The following LEKR1 variants were observed in gnomAD, a reference collection of about 807,000 sequenced individuals.
The protein encoded by LEKR1 is protein LEKR1.
In LEKR1, 59 loss-of-function variants were observed where a neutral mutation model predicts 72.4. The observed-to-expected ratio is 0.82, with a 90% CI of 0.66 to 1.01. The LOEUF (loss-of-function observed/expected upper bound fraction) is 1.01. LEKR1 is among the 50% of genes least tolerant of loss of function. The probability of loss-of-function intolerance (pLI) is 0.00; values close to 1 mark genes in which losing one functional copy is unlikely to be tolerated. For missense variants in LEKR1, 728 were observed against 759.2 expected (o/e 0.96, Z 0.48); for synonymous variants, 257 against 263.2 (o/e 0.98, Z 0.23).
At chr3:157,022,418 C>G (rs1205819763) in intron 10 of LEKR1, among the ~76,000 whole-genome samples, 1 of 152,050 alleles carries the variant, frequency 6.6e-6, no homozygotes, top group Non-Finnish European at 1.5e-5. Flanking sequence ...GTGGCCAGAA[C>G]TAGGTGATCA....
Position 156,852,982 on chromosome 3 carries a change from G to T in LEKR1, c.263G>T (p.Arg88Ile). The T allele has an allele frequency of 6.6e-7, 1 of 1,520,958 alleles. No individual in the cohort carries two copies. The highest frequency in any genetic ancestry group is 1.2e-5 in the South Asian group (1 of 82,724). 94.2% of individuals were successfully genotyped at this position (1,520,958 alleles called of 1,614,324 possible). The change falls in exon 3 of 13, where the codon AGA becomes ATA. Residue 88 changes from arginine to isoleucine, a missense_variant and splice_region_variant. Transcript: ENST00000356539. ...ATTGACAACAAATCCAAAACAGAAA[G>T]GTTGAGTATGTTTTTCTTTTCTATC... is the stretch of plus-strand genomic sequence containing the variant. ...YKIDNKSKTE[R>I]IYDVGMQLKS...
At chr3:156,989,334 T>A (rs1384467857) in intron 7 of LEKR1, among the ~76,000 whole-genome samples, 1 of 152,236 alleles carries the variant, frequency 6.6e-6, no homozygotes, top group Non-Finnish European at 1.5e-5. Context: ...TTCACGTAGC[T>A]AAGTCTATTC....
At chr3:157,004,335 A>G (rs746584820) in intron 9 of LEKR1, among the ~76,000 whole-genome samples, 1 of 152,168 alleles carries the variant, frequency 6.6e-6, no homozygotes, top group Non-Finnish European at 1.5e-5. Context: ...GGAAGCAAAA[A>G]CTGGATGGAA....
rs77546274 is a variant in LEKR1, at chr3:156,873,228, A to G, written c.263+20246A>G. Among the ~76,000 whole-genome samples, 539 of 152,178 alleles carry G rather than the reference A, an allele frequency of 3.5e-3. 4 individuals are homozygous for G. Among genetic ancestry groups the G allele is most frequent in the African/African-American group, 0.012 (511 of 41,560 alleles). ...AAAGTCTGTTTTATCTGATATAAGTATAGCTACTCCTGTTCACTTTTGGTT... is the reference window on the plus strand; with the variant it reads ...AAAGTCTGTTTTATCTGATATAAGTGTAGCTACTCCTGTTCACTTTTGGTT... On this transcript the variant is annotated intron_variant, in intron 3 of 12. Transcript: ENST00000356539.
rs989361721 is a variant in LEKR1 at position 156,887,139 on chromosome 3, G to C, written c.264-33436G>C. ...GTAATTTTCTTTTTGATTGGGATCTGTTCCTGGAGAATTATTTTCTTTTGC... is the reference window on the plus strand; with the variant it reads ...GTAATTTTCTTTTTGATTGGGATCTCTTCCTGGAGAATTATTTTCTTTTGC... On this transcript the variant is annotated intron_variant, in intron 3 of 12. Coordinates refer to ENST00000356539, the MANE Select transcript of LEKR1 (RefSeq NM_001004316.3). Among the ~76,000 whole-genome samples the C allele has an allele frequency of 1.4e-4, 22 of 152,292 alleles. No individual in the cohort carries two copies. The East Asian group carries it at 1.5e-3, about 11-fold the overall frequency.
At chr3:157,009,043 T>A (rs9818427) in intron 9 of LEKR1, among the ~76,000 whole-genome samples, 111,727 of 152,012 alleles carry the variant, frequency 0.73, 41,515 homozygotes, top group East Asian at 0.93. Flanking sequence ...ATACATTTAA[T>A]AAATGTTAAA....
intron 10 of LEKR1, among the ~76,000 whole-genome samples, chr3:157,019,156 A>G (rs1228737111): frequency 6.6e-6 from 1 of 152,188 alleles, no homozygotes; most frequent in Non-Finnish European, 1.5e-5. Flanking sequence ...TAAGCAAATT[A>G]TTTGATTCCT....
In LEKR1 at chr3:156,954,407, A is replaced by G. The variant is rs1043615198; in HGVS notation, c.745+11693A>G. Among the ~76,000 whole-genome samples the G allele has an allele frequency of 3.3e-5, 5 of 151,892 alleles. No individual in the cohort carries two copies. In the East Asian group the frequency reaches 9.6e-4, roughly 29 times the overall value. On this transcript the variant is annotated intron_variant, in intron 6 of 12. Transcript: ENST00000356539. ...ATTGATTTTGTTGCTATTGCTTTTA[A>G]CATTTTCATCATGAAATCTCTGCCT...
chr3:156,952,981 A>G (rs981889637), intron 6 of LEKR1, among the ~76,000 whole-genome samples: 2 of 151,658 alleles, frequency 1.3e-5, no homozygotes, highest in East Asian at 3.9e-4. Context: ...AACATTGCAT[A>G]TGCACTGTGG....
At chr3:156,907,776 G>A (rs536748095) in intron 3 of LEKR1, among the ~76,000 whole-genome samples, 82 of 152,138 alleles carry the variant, frequency 5.4e-4, no homozygotes, top group Non-Finnish European at 9.4e-4. Context: ...AATTAACATT[G>A]TTATAATACT....
At chr3:156,850,929 C>A (rs1576661792) in intron 2 of LEKR1, among the ~76,000 whole-genome samples, 2 of 152,236 alleles carry the variant, frequency 1.3e-5, no homozygotes, top group Admixed American at 1.3e-4. Context: ...TTTTATTTAA[C>A]ATAAAGCCAG....
At chr3:156,833,971 A>C (rs925401308) in intron 2 of LEKR1, among the ~76,000 whole-genome samples, 3 of 151,976 alleles carry the variant, frequency 2.0e-5, no homozygotes, top group Non-Finnish European at 4.4e-5. Context: ...GTATTACAAA[A>C]AAACTTTGTT....
intron 12 of LEKR1, among the ~76,000 whole-genome samples, chr3:157,036,508 T>C (rs540177101): frequency 6.6e-6 from 1 of 152,338 alleles, no homozygotes; most frequent in Admixed American, 6.5e-5. Context: ...CAAACGCAGA[T>C]ATTTTCAGAC....
At chr3:157,043,482 A>G (rs1320663249) in intron 12 of LEKR1, among the ~76,000 whole-genome samples, 1 of 152,076 alleles carries the variant, frequency 6.6e-6, no homozygotes, top group Admixed American at 6.6e-5. Context: ...TCCTGGGAAC[A>G]AAATGGTCCC....
intron 7 of LEKR1, among the ~76,000 whole-genome samples, chr3:156,985,885 C>G (rs1256448549): frequency 1.3e-5 from 2 of 150,880 alleles, no homozygotes; most frequent in Non-Finnish European, 2.9e-5. Flanking sequence ...GGGAAATTAT[C>G]CTGGATTATG....
chr3:156,981,980 T>G (rs2108000955), intron 7 of LEKR1, among the ~76,000 whole-genome samples: 1 of 152,322 alleles, frequency 6.6e-6, no homozygotes, highest in African/African-American at 2.4e-5. Context: ...AGTTAATTCT[T>G]TGTGTTGTTT....
chr3:156,902,893 T>TAAAA (rs141130317), intron 3 of LEKR1, among the ~76,000 whole-genome samples: 1 of 151,978 alleles, frequency 6.6e-6, no homozygotes, highest in East Asian at 1.9e-4. Flanking sequence ...ATCCTGATTT[T>TAAAA]AAAAAAAGCA....
intron 12 of LEKR1, among the ~76,000 whole-genome samples, chr3:157,041,241 G>A (rs1735319422): frequency 6.6e-6 from 1 of 152,024 alleles, no homozygotes; most frequent in Non-Finnish European, 1.5e-5. Context: ...GTTCTCCCCT[G>A]CCTAGACCAC....
intron 3 of LEKR1, among the ~76,000 whole-genome samples, chr3:156,899,150 C>T (rs755431155): frequency 1.5e-4 from 22 of 151,664 alleles, no homozygotes; most frequent in Non-Finnish European, 2.7e-4. Context: ...TTTCTTCTTG[C>T]TTTCAGGTTT....
Sources: gnomAD v4.1 joint callset for allele counts (sites outside exome capture counted in the v4.1 genomes callset) on GRCh38, gnomAD v4.1.1 for gene constraint, MANE v1.5 for transcripts, NCBI Gene and HGNC (gene_info 2026-07-23, HGNC 2026-07-21) for gene names.